Variants in KATNAL2 observed in about 807,000 individuals in gnomAD.
KATNAL2 encodes katanin catalytic subunit A1 like 2, also known as katanin p60 ATPase-containing subunit A-like 2.
KATNAL2 carries 52 observed loss-of-function variants against 76.3 expected under a neutral mutation model. The ratio of observed to expected loss-of-function variants is 0.68; its 90% CI spans 0.55 to 0.86. KATNAL2 has a LOEUF of 0.86. Among genes scored for constraint, KATNAL2 ranks in the 40% least tolerant of loss-of-function variants. The pLI is 0.00. For synonymous variants in KATNAL2, 243 were observed against 244.2 expected (o/e 1.00, Z 0.05); for missense variants, 660 against 668.9 (o/e 0.99, Z 0.15).
At chr18:47,055,597 A>G (rs1356770678) in intron 6 of KATNAL2, among the ~76,000 whole-genome samples, 2 of 152,214 alleles carry the variant, frequency 1.3e-5, no homozygotes, top group Non-Finnish European at 2.9e-5. Flanking sequence ...GCTATTCTGC[A>G]GGAAGAGTTT....
rs559252694 is a variant in KATNAL2 at position 47,066,994 on chromosome 18, A to T, written c.727-27A>T. ...AGCTGTAGAGGAAAACATCAGTTTT[A>T]AAAAAATGATCAAATGTGCATTGCA... On this transcript the variant is annotated intron_variant, in intron 10 of 17. Transcript: ENST00000683218. 9.4e-6 allele frequency: 13 copies of T among 1,388,968 alleles called. No individual in the cohort carries two copies. The Admixed American group carries it at 1.0e-4, about 11-fold the overall frequency. 86.0% of individuals were successfully genotyped at this position (1,388,968 alleles called of 1,614,324 possible).
intron 15 of KATNAL2, chr18:47,084,212 G>T: frequency 1.7e-6 from 1 of 589,164 alleles, no homozygotes; most frequent in South Asian, 2.1e-5. Flanking sequence ...ATGTCTTTCT[G>T]TTATCTATGT....
At chr18:47,085,783 C>CAAAT (rs750372693) in intron 15 of KATNAL2, among the ~76,000 whole-genome samples, 122 of 151,866 alleles carry the variant, frequency 8.0e-4, no homozygotes, top group African/African-American at 2.0e-3. Flanking sequence ...TTTTTTATTG[C>CAAAT]AAATAAATAA....
chr18:47,069,666 C>T, intron 13 of KATNAL2, 66 bp downstream of exon 13: 1 of 1,054,024 alleles, frequency 9.5e-7, no homozygotes, highest in South Asian at 1.5e-5. Flanking sequence ...AAAATGATGT[C>T]AGAGCTTCTT....
chr18:47,050,116 G>A (rs1301385527), intron 4 of KATNAL2, among the ~76,000 whole-genome samples: 1 of 152,048 alleles, frequency 6.6e-6, no homozygotes, highest in Non-Finnish European at 1.5e-5. Context: ...GGGCTCAAGC[G>A]ATCCACCCAC....
intron 6 of KATNAL2, among the ~76,000 whole-genome samples, chr18:47,056,507 C>T (rs1038274132): frequency 3.9e-5 from 6 of 152,200 alleles, no homozygotes; most frequent in Non-Finnish European, 8.8e-5. Flanking sequence ...CAGGAACAGG[C>T]TTCAGTTCAC....
intron 1 of KATNAL2, among the ~76,000 whole-genome samples, chr18:46,945,143 A>G (rs1365269958): frequency 2.0e-5 from 3 of 152,224 alleles, no homozygotes; most frequent in Admixed American, 2.0e-4. Flanking sequence ...CAGCTTTACC[A>G]TCTTATTGGC....
chr18:46,952,401 T>G (rs1569011246), intron 3 of KATNAL2, among the ~76,000 whole-genome samples: 2 of 135,608 alleles, frequency 1.5e-5, no homozygotes, highest in Non-Finnish European at 3.2e-5. Flanking sequence ...ATGTTTTTTT[T>G]TTTTTTTTTT....
Position 46,928,205 on chromosome 18 carries a change from T to A in KATNAL2, c.-510+10279T>A, listed in dbSNP as rs570910273. Among the ~76,000 whole-genome samples, 196 of 152,236 alleles carry A rather than the reference T, an allele frequency of 1.3e-3. 1 individual carries two copies. Among genetic ancestry groups the A allele is most frequent in the South Asian group, 4.6e-3 (22 of 4,828 alleles). ...GTTTTTCTACCCTGTTTTTTTCCCA[T>A]CTTTGTGGTTTTATCTACCTTTGGT... On this transcript the variant is annotated intron_variant, in intron 1 of 17. Coordinates refer to ENST00000683218, the MANE Select transcript of KATNAL2 (RefSeq NM_001387690.1).
At chr18:46,918,668 C>T (rs530086252) in intron 1 of KATNAL2, among the ~76,000 whole-genome samples, 20 of 152,152 alleles carry the variant, frequency 1.3e-4, no homozygotes, top group Non-Finnish European at 2.8e-4. Flanking sequence ...GTGATCCGCC[C>T]GCCTCGGCCT....
rs61745190 is a variant in KATNAL2, at chr18:47,034,707, G to A, written c.52-11750G>A. The A allele has an allele frequency of 1.3e-3, 2,168 of 1,612,902 alleles. 33 individuals are homozygous for A. The African/African-American group carries it at 0.024, about 18-fold the overall frequency. ...TTCCGGGTTGCTTCCCGGGCGCAGC[G>A]GGCTCAGGGCCCTCGGGCATCCGGA... is the stretch of plus-strand genomic sequence containing the variant. On this transcript the variant is annotated intron_variant, in intron 3 of 17. Transcript: ENST00000683218.
intron 1 of KATNAL2, among the ~76,000 whole-genome samples, chr18:46,930,335 C>G (rs947505118): frequency 6.6e-6 from 1 of 152,150 alleles, no homozygotes; most frequent in Non-Finnish European, 1.5e-5. Flanking sequence ...TATTCAGTTT[C>G]AAATATCTTC....
intron 1 of KATNAL2, among the ~76,000 whole-genome samples, chr18:46,931,042 G>A (rs2058894628): frequency 6.6e-6 from 1 of 151,562 alleles, no homozygotes; most frequent in South Asian, 2.1e-4. Context: ...GGAGGTTTCA[G>A]TGAGCTGAGA....
At chr18:46,949,030 G>A (rs1366313247) in intron 3 of KATNAL2, among the ~76,000 whole-genome samples, 1 of 151,668 alleles carries the variant, frequency 6.6e-6, no homozygotes, top group Admixed American at 6.6e-5. Flanking sequence ...TCAAGTAGCG[G>A]GAACTACAGG....
At chr18:46,927,080 T>C (rs2058751358) in intron 1 of KATNAL2, among the ~76,000 whole-genome samples, 1 of 152,218 alleles carries the variant, frequency 6.6e-6, no homozygotes. Context: ...TTTAGCCCAT[T>C]TACATTTAAA....
At chr18:47,087,165 CAAGAGA>C (rs1173410569) in intron 15 of KATNAL2, among the ~76,000 whole-genome samples, 1 of 151,816 alleles carries the variant, frequency 6.6e-6, no homozygotes, top group East Asian at 1.9e-4. Context: ...TTTTTGTTCC[CAAGAGA>C]AAAACAGTTT....
intron 4 of KATNAL2, among the ~76,000 whole-genome samples, chr18:47,050,483 TA>T (rs1435479201): frequency 9.2e-5 from 14 of 152,150 alleles, no homozygotes; most frequent in Non-Finnish European, 5.9e-5. Flanking sequence ...AGAAGAACTG[TA>T]AAAACAAAAA....
At chr18:47,084,358 G>A (rs1409579186) in intron 15 of KATNAL2, 1 of 702,866 alleles carries the variant, frequency 1.4e-6, no homozygotes, top group Non-Finnish European at 2.6e-6. Flanking sequence ...TGGGCTCCAG[G>A]AAGAAGCTGT....
At chr18:47,041,580 C>T (rs1359910255) in intron 3 of KATNAL2, among the ~76,000 whole-genome samples, 5 of 152,148 alleles carry the variant, frequency 3.3e-5, no homozygotes, top group Admixed American at 6.5e-5. Context: ...GAGTATACCA[C>T]AATTTATTTA....
Sources: gnomAD v4.1 joint callset for allele counts (sites outside exome capture counted in the v4.1 genomes callset) on GRCh38, gnomAD v4.1.1 for gene constraint, MANE v1.5 for transcripts, NCBI Gene and HGNC (gene_info 2026-07-23, HGNC 2026-07-21) for gene names.